Variants in CPT1A observed in about 807,000 individuals in gnomAD.
CPT1A encodes carnitine O-palmitoyltransferase 1, liver isoform.
CPT1A carries 64 observed loss-of-function variants against 100.8 expected under a neutral mutation model. The observed-to-expected ratio is 0.63, with a 90% CI of 0.52 to 0.78. The LOEUF is 0.78. CPT1A is among the 30% of genes least tolerant of loss of function. The pLI is 0.00. For missense variants in CPT1A, 802 were observed against 1,034.1 expected (o/e 0.78, Z 3.08); for synonymous variants, 363 against 396.0 (o/e 0.92, Z 0.99).
intron 1 of CPT1A, 106 bp from the exon 2 acceptor site, chr11:68,815,593 A>G: frequency 1.8e-6 from 2 of 1,110,300 alleles, no homozygotes; most frequent in South Asian, 1.3e-5. Context: ...CTTCCTCGCC[A>G]CTTAACAGAT....
intron 12 of CPT1A, among the ~76,000 whole-genome samples, chr11:68,778,791 T>G (rs1855213005): frequency 6.6e-6 from 1 of 152,074 alleles, no homozygotes; most frequent in Admixed American, 6.5e-5. Flanking sequence ...ACTAATTTCT[T>G]TCTTTTTTTT....
In CPT1A at chr11:68,791,065, C is replaced by T. The variant is rs556112360; in HGVS notation, c.967+2250G>A. Among the ~76,000 whole-genome samples the T allele has an allele frequency of 2.0e-5, 3 of 152,324 alleles. No individual in the cohort carries two copies. In the South Asian group the frequency reaches 6.2e-4, roughly 32 times the overall value. ...TGTCGAACTCCTGACCTCAGGTGAT[C>T]CACCTGCCTTGGCCTCCCAAAGTGC... is the stretch of plus-strand genomic sequence containing the variant. On this transcript the variant is annotated intron_variant, in intron 9 of 18. Coordinates refer to ENST00000265641, the MANE Select transcript of CPT1A (RefSeq NM_001876.4).
In CPT1A at chr11:68,781,844, A is replaced by G; in HGVS notation, c.1279T>C (p.Tyr427His). Residue 427 changes from tyrosine (Y) to histidine (H), a missense_variant, in exon 11 of 19, where the codon TAC becomes CAC. Transcript: ENST00000265641. The stretch of plus-strand genomic sequence containing the variant: ...GACGTATCCGGGTCTTCACTTCTGT[A>G]TCCTTCTTCAGTTTCATCTAACGTC... ...FVTLDETEEG[Y>H]RSEDPDTSMD... The G allele has an allele frequency of 6.2e-7, 1 of 1,614,116 alleles. No individual in the cohort carries two copies. The highest frequency in any genetic ancestry group is 1.1e-5 in the South Asian group (1 of 91,080).
At chr11:68,827,657 C>T (rs1810345550) in intron 1 of CPT1A, among the ~76,000 whole-genome samples, 1 of 152,058 alleles carries the variant, frequency 6.6e-6, no homozygotes, top group African/African-American at 2.4e-5. Context: ...GCTGAGATTA[C>T]AGGTGCCCAG....
At chr11:68,834,998 C>CAA (rs11418561) in intron 1 of CPT1A, among the ~76,000 whole-genome samples, 1,597 of 146,258 alleles carry the variant, frequency 0.011, 19 homozygotes, top group Middle Eastern at 0.028. Context: ...GACTCCATCT[C>CAA]AAAAAAAAAA....
In CPT1A at chr11:68,840,200, G is replaced by T. The variant is rs78442314; in HGVS notation, c.-14+1575C>A. On this transcript the variant is annotated intron_variant, in intron 1 of 18. Transcript: ENST00000265641. ...CCAACTGACAGCTGGATGTTCGCTG[G>T]CCTCAGCGGTGTGCATTCTCAGCGA... Among the ~76,000 whole-genome samples the T allele has an allele frequency of 2.7e-4, 41 of 152,314 alleles. No individual in the cohort carries two copies. In the East Asian group the frequency reaches 4.4e-3, roughly 16 times the overall value.
At chr11:68,759,423 CA>C (rs1946758327) in intron 18 of CPT1A, 145 bp downstream of exon 18, 1 of 649,342 alleles carries the variant, frequency 1.5e-6, no homozygotes, top group South Asian at 1.8e-5. Flanking sequence ...TTTTTAAAAG[CA>C]GTCCATTTAT....
intron 10 of CPT1A, among the ~76,000 whole-genome samples, chr11:68,783,348 C>T (rs1469557294): frequency 6.6e-6 from 1 of 151,456 alleles, no homozygotes; most frequent in African/African-American, 2.4e-5. Flanking sequence ...TGATTGGGTG[C>T]CTGGGACCCT....
At chr11:68,763,480 A>G (rs1372937535) in intron 14 of CPT1A, among the ~76,000 whole-genome samples, 1 of 152,162 alleles carries the variant, frequency 6.6e-6, no homozygotes, top group East Asian at 1.9e-4. Context: ...AGATGGTGAG[A>G]ATGATCTGGG....
intron 5 of CPT1A, among the ~76,000 whole-genome samples, chr11:68,800,180 C>G (rs1855865972): frequency 6.6e-6 from 1 of 152,262 alleles, no homozygotes; most frequent in South Asian, 2.1e-4. Flanking sequence ...GTCACGGAAC[C>G]AGGCTAAGGC....
At chr11:68,813,639 G>A (rs1294393932) in intron 2 of CPT1A, among the ~76,000 whole-genome samples, 2 of 149,842 alleles carry the variant, frequency 1.3e-5, no homozygotes, top group Non-Finnish European at 1.5e-5. Flanking sequence ...TGAGGCTACA[G>A]TGAGCCGTGA....
upstream of CPT1A, chr11:68,842,043 G>T: frequency 1.2e-6 from 1 of 853,802 alleles, no homozygotes. Flanking sequence ...AGGCTCGAGC[G>T]GGTGCTCGCG....
intron 15 of CPT1A, 81 bp downstream of exon 15, chr11:68,762,546 A>G: frequency 6.4e-7 from 1 of 1,562,790 alleles, no homozygotes; most frequent in South Asian, 1.1e-5. Context: ...ATGAGATCAG[A>G]GAAGCTGGAG....
intron 12 of CPT1A, among the ~76,000 whole-genome samples, chr11:68,779,306 A>G (rs1407061313): frequency 6.6e-6 from 1 of 152,098 alleles, no homozygotes; most frequent in Non-Finnish European, 1.5e-5. Flanking sequence ...CTTTAAAAGA[A>G]AAAGATCTCA....
intron 1 of CPT1A, among the ~76,000 whole-genome samples, chr11:68,816,648 G>C (rs1036387278): frequency 6.6e-6 from 1 of 152,124 alleles, no homozygotes; most frequent in African/African-American, 2.4e-5. Context: ...CCTTCTCACG[G>C]TGCCTCCTCC....
intron 1 of CPT1A, among the ~76,000 whole-genome samples, chr11:68,831,726 T>C (rs1028903992): frequency 5.3e-5 from 8 of 151,412 alleles, no homozygotes; most frequent in Admixed American, 3.3e-4. Context: ...CTCTGCCTCC[T>C]GGGTTCAAGT....
intron 14 of CPT1A, among the ~76,000 whole-genome samples, chr11:68,763,725 G>C (rs1854704441): frequency 6.6e-6 from 1 of 152,178 alleles, no homozygotes; most frequent in South Asian, 2.1e-4. Flanking sequence ...GGTGTGATGT[G>C]GCATTCAGGG....
At chr11:68,839,421 C>A (rs1857105713) in intron 1 of CPT1A, 1 of 795,116 alleles carries the variant, frequency 1.3e-6, no homozygotes, top group Admixed American at 6.2e-5. Context: ...CAGCAGCAGC[C>A]CCGCCCCCAG....
chr11:68,836,728 T>G (rs1283576052), intron 1 of CPT1A, among the ~76,000 whole-genome samples: 1 of 148,948 alleles, frequency 6.7e-6, no homozygotes, highest in Admixed American at 6.7e-5. Flanking sequence ...GCCGAGATCA[T>G]ACCGCTACAC....
Sources: allele counts gnomAD v4.1 joint callset (sites outside exome capture counted in the v4.1 genomes callset), GRCh38; gene constraint gnomAD v4.1.1; transcripts MANE v1.5; gene names NCBI Gene and HGNC (gene_info 2026-07-23, HGNC 2026-07-21).